The following SNRPA variants were observed in gnomAD, a reference collection of about 807,000 sequenced individuals.
SNRPA encodes small nuclear ribonucleoprotein polypeptide A.
Under a neutral mutation model 24.5 loss-of-function variants are expected in SNRPA, and 10 were observed. The ratio of observed to expected loss-of-function variants is 0.41; its 90% confidence interval spans 0.25 to 0.69. The LOEUF is 0.69. Among genes scored for constraint, SNRPA ranks in the 30% least tolerant of loss-of-function variants. The probability of loss-of-function intolerance (pLI) is 0.33; values close to 1 mark genes in which losing one functional copy is unlikely to be tolerated. For missense variants in SNRPA, 283 were observed against 394.7 expected (o/e 0.72, Z 2.40); for synonymous variants, 165 against 148.4 (o/e 1.11, Z -0.81).
At chr19:40,751,563 C>T (rs1231762652) in intron 1 of SNRPA, 82 bp downstream of exon 1, 4 of 1,047,538 alleles carry the variant, frequency 3.8e-6, no homozygotes, top group African/African-American at 3.1e-5. Context: ...GCCTCTCTTT[C>T]TAAGTGTTTG....
chr19:40,761,707 T>C (rs1436794274), intron 3 of SNRPA, among the ~76,000 whole-genome samples: 1 of 151,944 alleles, frequency 6.6e-6, no homozygotes, highest in East Asian at 1.9e-4. Flanking sequence ...CCTCAAGTGA[T>C]CCGCCCTCCT....
At chr19:40,761,806 C>CTATTTT (rs2082934086) in intron 3 of SNRPA, among the ~76,000 whole-genome samples, 1 of 152,042 alleles carries the variant, frequency 6.6e-6, no homozygotes, top group African/African-American at 2.4e-5. Context: ...AGGAAAATGT[C>CTATTTT]TAAATGACCT....
chr19:40,764,983 C>T, intron 5 of SNRPA, 25 bp from the exon 6 acceptor site: 7 of 1,524,826 alleles, frequency 4.6e-6, no homozygotes, highest in Non-Finnish European at 5.3e-6. Context: ...ATGCTGAGTC[C>T]CTGAGGTCTG....
In SNRPA at chr19:40,759,592, T is replaced by C; in HGVS notation, c.408T>C (p.Ala136=). ...GGGGAGCCACCCCCGTGGTGGGGGC[T>C]GTCCAGGGGCCTGTCCCGGTAAGCC... is the stretch of plus-strand genomic sequence containing the variant. ...QGGGATPVVG[A]VQGPVPGMPP... Residue 136 remains alanine, a synonymous_variant, in exon 3 of 6, where the codon GCT becomes GCC. Transcript: ENST00000243563. The C allele has an allele frequency of 6.2e-7, 1 of 1,609,458 alleles. No individual in the cohort carries two copies. Among genetic ancestry groups the C allele is most frequent in the Admixed American group, 1.7e-5 (1 of 58,476 alleles).
chr19:40,765,148 T>C lies in SNRPA; in HGVS notation c.830T>C (p.Ile277Thr). The change falls in exon 6 of 6, where the codon ATC (isoleucine) becomes ACC (threonine). Residue 277 changes from isoleucine (I) to threonine (T), a missense_variant. This residue lies in a region of SNRPA where 51 missense variants were observed against 110.3 expected (regional missense o/e 0.46). Transcript: ENST00000243563. Reference sequence around the variant, plus strand: ...ATCACGCAGAACAACGCCATGAAGATCTCCTTTGCCAAGAAGTAGCACCTT... The same window carrying C: ...ATCACGCAGAACAACGCCATGAAGACCTCCTTTGCCAAGAAGTAGCACCTT... Reference protein sequence around the residue: ...FKITQNNAMKISFAKK With the variant: ...FKITQNNAMKTSFAKK 6.5e-7 allele frequency: 1 copy of C among 1,539,368 alleles called. No individual in the cohort carries two copies. The highest frequency in any genetic ancestry group is 8.8e-7 in the Non-Finnish European group (1 of 1,141,924).
At chr19:40,764,521 A>G (rs891661758) in intron 5 of SNRPA, among the ~76,000 whole-genome samples, 1 of 152,148 alleles carries the variant, frequency 6.6e-6, no homozygotes, top group Non-Finnish European at 1.5e-5. Context: ...TTAGAGAAAC[A>G]GCATATCAGA....
rs542606095 is a variant in SNRPA at position 40,760,295 on chromosome 19, A to G, written c.426+685A>G. Among the ~76,000 whole-genome samples the G allele has an allele frequency of 2.6e-5, 4 of 152,286 alleles. No homozygotes were observed. The South Asian group carries it at 8.3e-4, about 32-fold the overall frequency. The stretch of plus-strand genomic sequence containing the variant: ...GCTAGGATTACATGCATGAGCCACC[A>G]TGGCTGGCCCCCAGTTTTATTTTTA... On this transcript the variant is annotated intron_variant, in intron 3 of 5. Transcript: ENST00000243563.
At chr19:40,764,805 G>A (rs2082947431) in intron 5 of SNRPA, among the ~76,000 whole-genome samples, 2 of 152,176 alleles carry the variant, frequency 1.3e-5, no homozygotes, top group Admixed American at 6.6e-5. Flanking sequence ...GGGTGTTTGT[G>A]TTTAAATTTT....
rs996172244 is a variant in SNRPA, at chr19:40,757,557, C to T, written c.246+53C>T. On this transcript the variant is annotated intron_variant, in intron 2 of 5. Transcript: ENST00000243563. ...TGGGTGTGTAAAATGTTATAGGAGA[C>T]TGGGCGGGCCTGGATTAGAGGAGGG... 7.3e-6 allele frequency: 11 copies of T among 1,501,414 alleles called. No homozygotes were observed. The Admixed American group carries it at 8.1e-5, about 11-fold the overall frequency. The allele number at this position is 1,501,414 out of a possible 1,614,324, so 93.0% of individuals were successfully genotyped here.
chr19:40,759,352 T>G (rs2082921619), intron 2 of SNRPA, 79 bp from the exon 3 acceptor site: 1 of 1,410,426 alleles, frequency 7.1e-7, no homozygotes, highest in African/African-American at 1.5e-5. Context: ...ACCTGGCCCC[T>G]GATAAAGGTC....
chr19:40,757,163 T>A, intron 1 of SNRPA, 169 bp from the exon 2 acceptor site: 4 of 617,870 alleles, frequency 6.5e-6, no homozygotes, highest in Non-Finnish European at 1.1e-5. Context: ...AGTAGAAGAG[T>A]GTACTTGGCC....
intron 3 of SNRPA, among the ~76,000 whole-genome samples, chr19:40,762,468 C>G (rs1462408093): frequency 6.6e-6 from 1 of 152,014 alleles, no homozygotes. Context: ...CCGCCTGCCT[C>G]GGCCTCCCAA....
At position 40,765,206 on chromosome 19, in the gene SNRPA, G is replaced by C; in HGVS notation, c.*39G>C. ...CATGCCTGCCCCTTCCCCTGTTCTG[G>C]GGCCACCCCTTTCCCCCTTGGCTCA... is the stretch of plus-strand genomic sequence containing the variant. On this transcript the variant is annotated 3_prime_UTR_variant, in exon 6 of 6. Coordinates refer to ENST00000243563, the MANE Select transcript of SNRPA (RefSeq NM_004596.5). 1.4e-6 allele frequency: 2 copies of C among 1,420,378 alleles called. No homozygotes were observed. Among genetic ancestry groups the C allele is most frequent in the South Asian group, 3.1e-5 (2 of 64,338 alleles). 88.0% of individuals were successfully genotyped at this position (1,420,378 alleles called of 1,614,324 possible). A position where few individuals can be genotyped will look rare whatever the true frequency, so the allele number is the denominator to read the frequency against.
chr19:40,759,748 T>TTC, intron 3 of SNRPA, 138 bp downstream of exon 3: 1 of 734,744 alleles, frequency 1.4e-6, no homozygotes, highest in Non-Finnish European at 2.1e-6. Context: ...AGAGATGTGT[T>TTC]TCTCTCTCTC....
Position 40,751,418 on chromosome 19 carries a change from C to G in SNRPA, c.10C>G (p.Pro4Ala), listed in dbSNP as rs1269188582. 1.2e-6 allele frequency: 2 copies of G among 1,613,104 alleles called. No homozygotes were observed. The highest frequency in any genetic ancestry group is 2.2e-5 in the East Asian group (1 of 44,864). Reference sequence around the variant, plus strand: ...CTCAACACTTCACTCCATGGCAGTTCCCGAGACCCGCCCTAACCACACTAT... The same window carrying G: ...CTCAACACTTCACTCCATGGCAGTTGCCGAGACCCGCCCTAACCACACTAT... The part of the protein sequence containing the change: MAV[P>A]ETRPNHTIYI... The change falls in exon 1 of 6, where the codon CCC (proline) becomes GCC (alanine). Residue 4 changes from proline to alanine, a missense_variant. Around this residue, in one of 6 missense-constraint regions of SNRPA, gnomAD observed 32 missense variants for 26.8 expected, o/e 1.19. Coordinates refer to ENST00000243563, the MANE Select transcript of SNRPA (RefSeq NM_004596.5).
chr19:40,754,100 G>T (rs1001145503), intron 1 of SNRPA, among the ~76,000 whole-genome samples: 14 of 118,000 alleles, frequency 1.2e-4, no homozygotes, highest in Admixed American at 6.4e-4. Context: ...AGCGCCCGGC[G>T]TTTTTTTTTT....
At chr19:40,755,521 A>T (rs983355688) in intron 1 of SNRPA, among the ~76,000 whole-genome samples, 1 of 152,108 alleles carries the variant, frequency 6.6e-6, no homozygotes, top group African/African-American at 2.4e-5. Flanking sequence ...ACCACAAGGC[A>T]TGCACCACTA....
intron 3 of SNRPA, among the ~76,000 whole-genome samples, chr19:40,760,307 C>T (rs2082926178): frequency 1.3e-5 from 2 of 152,174 alleles, no homozygotes; most frequent in South Asian, 4.1e-4. Flanking sequence ...GGCTGGCCCC[C>T]AGTTTTATTT....
chr19:40,763,328 T>A, intron 4 of SNRPA: 1 of 594,448 alleles, frequency 1.7e-6, no homozygotes, highest in African/African-American at 1.9e-5. Flanking sequence ...ATTGAGCGCC[T>A]CCTTACGTGC....
Sources: allele counts gnomAD v4.1 joint callset (sites outside exome capture counted in the v4.1 genomes callset), GRCh38; gene constraint gnomAD v4.1.1; regional missense constraint gnomAD v4.1.1; transcripts MANE v1.5; gene names NCBI Gene and HGNC (gene_info 2026-07-23, HGNC 2026-07-21).